LRRC4C: variants seen among roughly 807,000 people sequenced by gnomAD.
The protein encoded by LRRC4C is leucine rich repeat containing 4C, also known as leucine-rich repeat-containing protein 4C.
LRRC4C carries 5 observed loss-of-function variants against 33.6 expected under a neutral mutation model. That is an observed-to-expected ratio of 0.15 (90% CI 0.08 to 0.31). The LOEUF is 0.31. Ranked by LOEUF, LRRC4C falls within the 10% of genes least tolerant of loss-of-function variation. The probability of loss-of-function intolerance (pLI) is 1.00; values close to 1 mark genes in which losing one functional copy is unlikely to be tolerated. For synonymous variants in LRRC4C, 329 were observed against 302.0 expected (o/e 1.09, Z -0.93); for missense variants, 560 against 796.7 (o/e 0.70, Z 3.58).
chr11:40,213,206 A>G (rs932707361), intron 5 of LRRC4C, among the ~76,000 whole-genome samples: 6 of 152,156 alleles, frequency 3.9e-5, no homozygotes, highest in Non-Finnish European at 5.9e-5. Context: ...CAAAGTTTGG[A>G]AATAATGTCC....
chr11:41,188,157 C>A (rs1945779244), intron 1 of LRRC4C, among the ~76,000 whole-genome samples: 1 of 152,084 alleles, frequency 6.6e-6, no homozygotes, highest in African/African-American at 2.4e-5. Context: ...CCTCCTCCCA[C>A]CCAACACACA....
chr11:40,253,395 G>A (rs908987880), intron 4 of LRRC4C, among the ~76,000 whole-genome samples: 1 of 152,142 alleles, frequency 6.6e-6, no homozygotes, highest in Admixed American at 6.6e-5. Context: ...GGTATAAAAA[G>A]CTGGTATAAA....
intron 1 of LRRC4C, among the ~76,000 whole-genome samples, chr11:41,243,918 G>T (rs1354447461): frequency 6.6e-6 from 1 of 152,116 alleles, no homozygotes; most frequent in Non-Finnish European, 1.5e-5. Context: ...GGGATTTTAA[G>T]TGATTGACCT....
intron 1 of LRRC4C, among the ~76,000 whole-genome samples, chr11:41,035,269 T>A (rs1382957710): frequency 6.6e-6 from 1 of 151,984 alleles, no homozygotes; most frequent in African/African-American, 2.4e-5. Context: ...CCTGTGTTGT[T>A]ACATAGGTAA....
At chr11:40,178,969 CT>C (rs1242607227) in intron 5 of LRRC4C, among the ~76,000 whole-genome samples, 1 of 151,596 alleles carries the variant, frequency 6.6e-6, no homozygotes, top group Non-Finnish European at 1.5e-5. Flanking sequence ...ACCACTCACA[CT>C]TGAAAAGCTA....
chr11:40,124,741 T>C (rs531616677), intron 6 of LRRC4C, among the ~76,000 whole-genome samples: 3 of 152,248 alleles, frequency 2.0e-5, no homozygotes, highest in Admixed American at 6.5e-5. Context: ...TATGATCTAT[T>C]TGATAGCACA....
intron 1 of LRRC4C, among the ~76,000 whole-genome samples, chr11:41,296,189 G>T (rs946079579): frequency 4.6e-5 from 7 of 152,158 alleles, no homozygotes; most frequent in African/African-American, 1.7e-4. Flanking sequence ...AACCAATATT[G>T]CATTGCAGAA....
intron 5 of LRRC4C, among the ~76,000 whole-genome samples, chr11:40,156,063 A>C (rs1858665027): frequency 6.6e-6 from 1 of 152,228 alleles, no homozygotes; most frequent in Non-Finnish European, 1.5e-5. Context: ...ACGTCAATAA[A>C]TGTAATACAC....
chr11:41,133,482 C>A (rs1943112305), intron 1 of LRRC4C, among the ~76,000 whole-genome samples: 2 of 144,412 alleles, frequency 1.4e-5, no homozygotes, highest in Admixed American at 6.9e-5. Context: ...CTAATCCCCC[C>A]CCCGCCCCCG....
At chr11:41,457,622 A>G in intron 1 of LRRC4C, among the ~76,000 whole-genome samples, 1 of 152,188 alleles carries the variant, frequency 6.6e-6, no homozygotes, top group East Asian at 1.9e-4. Context: ...TTAAAAATTA[A>G]AAAAAGAAAA....
intron 3 of LRRC4C, among the ~76,000 whole-genome samples, chr11:40,416,262 G>T (rs1565366423): frequency 1.3e-5 from 2 of 152,124 alleles, no homozygotes; most frequent in Admixed American, 6.6e-5. Context: ...GTATAAGAAT[G>T]ATTTAACTTA....
chr11:41,214,397 A>G (rs1189195994), intron 1 of LRRC4C, among the ~76,000 whole-genome samples: 3 of 151,860 alleles, frequency 2.0e-5, no homozygotes, highest in African/African-American at 7.3e-5. Context: ...AAAAATGAAA[A>G]AGAGAAAAAA....
chr11:40,701,329 T>G (rs1310181735), intron 2 of LRRC4C, among the ~76,000 whole-genome samples: 1 of 152,078 alleles, frequency 6.6e-6, no homozygotes, highest in Non-Finnish European at 1.5e-5. Flanking sequence ...GTAAAAGAAA[T>G]GCTCAAAAGA....
intron 2 of LRRC4C, among the ~76,000 whole-genome samples, chr11:40,859,857 G>A (rs10837510): frequency 0.58 from 88,435 of 151,480 alleles, 28,171 homozygotes; most frequent in Non-Finnish European, 0.71. Flanking sequence ...CGGGCGGATC[G>A]CGAGGTCAGG....
At chr11:41,410,739 C>G (rs900570162) in intron 1 of LRRC4C, among the ~76,000 whole-genome samples, 1 of 151,864 alleles carries the variant, frequency 6.6e-6, no homozygotes, top group Non-Finnish European at 1.5e-5. Flanking sequence ...CGCGCCTGGC[C>G]GAGAAAGTTA....
chr11:41,198,522 G>C (rs1381837614), intron 1 of LRRC4C, among the ~76,000 whole-genome samples: 1 of 151,946 alleles, frequency 6.6e-6, no homozygotes, highest in Non-Finnish European at 1.5e-5. Flanking sequence ...AAGCATTTGA[G>C]AATGTAATGA....
intron 1 of LRRC4C, among the ~76,000 whole-genome samples, chr11:41,441,024 G>A (rs1955600612): frequency 6.6e-6 from 1 of 152,126 alleles, no homozygotes; most frequent in African/African-American, 2.4e-5. Flanking sequence ...AGCCAAGCCA[G>A]TCTTCTCAAG....
At chr11:40,241,035 A>G (rs959428713) in intron 5 of LRRC4C, among the ~76,000 whole-genome samples, 4 of 152,176 alleles carry the variant, frequency 2.6e-5, no homozygotes, top group African/African-American at 4.8e-5. Flanking sequence ...GCATAAAAAT[A>G]TGTTACTTTT....
chr11:40,421,980 G>C (rs1004772228), intron 3 of LRRC4C, among the ~76,000 whole-genome samples: 2 of 152,220 alleles, frequency 1.3e-5, no homozygotes, highest in African/African-American at 4.8e-5. Flanking sequence ...CCCAAAGCAA[G>C]CCCACTGTTT....
Sources: gnomAD v4.1 joint callset for allele counts (sites outside exome capture counted in the v4.1 genomes callset) on GRCh38, gnomAD v4.1.1 for gene constraint, MANE v1.5 for transcripts, NCBI Gene and HGNC (gene_info 2026-07-23, HGNC 2026-07-21) for gene names.